ERBB4: variants seen among roughly 807,000 people sequenced by gnomAD.
ERBB4 encodes erb-b2 receptor tyrosine kinase 4, also known as receptor tyrosine-protein kinase erbB-4.
In ERBB4, 42 loss-of-function variants were observed where a neutral mutation model predicts 158.0. The observed-to-expected ratio is 0.27, with a 90% CI of 0.21 to 0.34. ERBB4 has a LOEUF of 0.34. Ranked by LOEUF, ERBB4 falls within the 10% of genes least tolerant of loss-of-function variation. The pLI, the probability that ERBB4 is intolerant of heterozygous loss-of-function variation, is 1.00. For missense variants in ERBB4, 1,333 were observed against 1,624.1 expected (o/e 0.82, Z 3.08); for synonymous variants, 583 against 558.7 (o/e 1.04, Z -0.61).
At chr2:212,161,819 G>A (rs1235150498) in intron 1 of ERBB4, among the ~76,000 whole-genome samples, 2 of 151,758 alleles carry the variant, frequency 1.3e-5, no homozygotes, top group Non-Finnish European at 2.9e-5. Context: ...GAAGTGTAAC[G>A]TGGTGATAAA....
At chr2:211,587,042 A>C (rs962061560) in intron 19 of ERBB4, among the ~76,000 whole-genome samples, 1 of 152,194 alleles carries the variant, frequency 6.6e-6, no homozygotes, top group Non-Finnish European at 1.5e-5. Flanking sequence ...AATTAAGTTG[A>C]ACCATTGTAA....
chr2:212,237,072 T>G (rs2083907617), intron 1 of ERBB4, among the ~76,000 whole-genome samples: 1 of 152,194 alleles, frequency 6.6e-6, no homozygotes, highest in African/African-American at 2.4e-5. Context: ...GTGTTGATTT[T>G]AGAAATCTTT....
intron 20 of ERBB4, among the ~76,000 whole-genome samples, chr2:211,445,762 T>C (rs2064096183): frequency 6.6e-6 from 1 of 152,124 alleles, no homozygotes; most frequent in African/African-American, 2.4e-5. Context: ...TAAAACTAAA[T>C]GAATACATAG....
chr2:211,814,417 G>C (rs935634067), intron 3 of ERBB4, among the ~76,000 whole-genome samples: 8 of 152,038 alleles, frequency 5.3e-5, no homozygotes, highest in Non-Finnish European at 1.0e-4. Context: ...AATGTATTCA[G>C]AATAATTAAC....
chr2:212,169,127 T>C (rs1487306935), intron 1 of ERBB4, among the ~76,000 whole-genome samples: 1 of 152,180 alleles, frequency 6.6e-6, no homozygotes, highest in Non-Finnish European at 1.5e-5. Flanking sequence ...TAAAAGACTT[T>C]AAGTTCACAT....
At chr2:211,588,639 T>C (rs1287179654) in intron 19 of ERBB4, among the ~76,000 whole-genome samples, 1 of 152,138 alleles carries the variant, frequency 6.6e-6, no homozygotes, top group Non-Finnish European at 1.5e-5. Flanking sequence ...TGATAAAACT[T>C]AACCCAGAGA....
At chr2:211,534,387 A>T (rs1364030880) in intron 20 of ERBB4, among the ~76,000 whole-genome samples, 1 of 152,110 alleles carries the variant, frequency 6.6e-6, no homozygotes, top group Non-Finnish European at 1.5e-5. Context: ...AGGTATTGTT[A>T]AACTAGGAAC....
intron 1 of ERBB4, among the ~76,000 whole-genome samples, chr2:212,423,333 G>A (rs1365358061): frequency 6.6e-6 from 1 of 152,140 alleles, no homozygotes; most frequent in African/African-American, 2.4e-5. Context: ...AGCAGAAGAT[G>A]CCAAAAGCTA....
At chr2:211,917,487 AAAT>A (rs1382465742) in intron 3 of ERBB4, among the ~76,000 whole-genome samples, 1 of 152,154 alleles carries the variant, frequency 6.6e-6, no homozygotes, top group Non-Finnish European at 1.5e-5. Context: ...TGAAGAAACA[AAAT>A]ATGGAGACAT....
At chr2:212,193,696 T>G (rs1365285384) in intron 1 of ERBB4, among the ~76,000 whole-genome samples, 1 of 152,138 alleles carries the variant, frequency 6.6e-6, no homozygotes, top group African/African-American at 2.4e-5. Context: ...TGAAACTGTA[T>G]GATGAAATTC....
At chr2:212,471,268 C>T (rs929350699) in intron 1 of ERBB4, among the ~76,000 whole-genome samples, 13 of 151,832 alleles carry the variant, frequency 8.6e-5, no homozygotes, top group Non-Finnish European at 1.8e-4. Context: ...TATTTTATTA[C>T]TTAAATAGTA....
At chr2:212,085,830 T>C (rs1361592650) in intron 2 of ERBB4, among the ~76,000 whole-genome samples, 1 of 129,346 alleles carries the variant, frequency 7.7e-6, no homozygotes, top group Non-Finnish European at 1.7e-5. Context: ...ATCTAAGATA[T>C]TATATAATCC....
intron 1 of ERBB4, among the ~76,000 whole-genome samples, chr2:212,141,447 A>G (rs2080473711): frequency 6.6e-6 from 1 of 152,060 alleles, no homozygotes; most frequent in East Asian, 1.9e-4. Flanking sequence ...CACTTCTTAG[A>G]AATACAAATA....
intron 1 of ERBB4, among the ~76,000 whole-genome samples, chr2:212,328,919 C>T (rs922205894): frequency 3.3e-5 from 5 of 151,906 alleles, no homozygotes; most frequent in African/African-American, 1.2e-4. Flanking sequence ...TGACTAGGGC[C>T]AATTTTGGAC....
At position 211,381,683 on chromosome 2, in the gene ERBB4, TG is replaced by T. The variant is rs1328916385; in HGVS notation, c.*1931del. On this transcript the variant is annotated 3_prime_UTR_variant, in exon 28 of 28. Transcript: ENST00000342788. ...AAGGAGGTTTGGATGGATGGATGGA[TG>T]GATTTACTTGTTCAGAATAGGAAGA... 4 of 231,704 alleles carry T rather than the reference TG, an allele frequency of 1.7e-5. No homozygotes were observed. The highest frequency in any genetic ancestry group is 1.7e-4 in the Admixed American group (3 of 17,728). The allele number at this position is 231,704 out of a possible 1,614,324, so 14.4% of individuals were successfully genotyped here. A position where few individuals can be genotyped will look rare whatever the true frequency, so the allele number is the denominator to read the frequency against.
intron 12 of ERBB4, among the ~76,000 whole-genome samples, chr2:211,694,652 T>A (rs1246447954): frequency 6.6e-6 from 1 of 152,144 alleles, no homozygotes; most frequent in Non-Finnish European, 1.5e-5. Flanking sequence ...ATTTTCTATT[T>A]TCTGATTACT....
chr2:212,328,733 G>C (rs1378082244), intron 1 of ERBB4, among the ~76,000 whole-genome samples: 1 of 151,962 alleles, frequency 6.6e-6, no homozygotes, highest in Non-Finnish European at 1.5e-5. Flanking sequence ...ATCTCCTTTA[G>C]AGACAAATCT....
chr2:211,682,629 T>C (rs2072397962), intron 12 of ERBB4, among the ~76,000 whole-genome samples: 1 of 152,222 alleles, frequency 6.6e-6, no homozygotes, highest in Non-Finnish European at 1.5e-5. Flanking sequence ...GTTGAAAAGA[T>C]ATCCTTTCTG....
intron 1 of ERBB4, among the ~76,000 whole-genome samples, chr2:212,494,874 T>C (rs1021246103): frequency 6.6e-6 from 1 of 152,164 alleles, no homozygotes; most frequent in Non-Finnish European, 1.5e-5. Flanking sequence ...CATTAATCCC[T>C]ATGAAATGCC....
Sources: gnomAD v4.1 joint callset for allele counts (sites outside exome capture counted in the v4.1 genomes callset) on GRCh38, gnomAD v4.1.1 for gene constraint, MANE v1.5 for transcripts, NCBI Gene and HGNC (gene_info 2026-07-23, HGNC 2026-07-21) for gene names.